Variants in RABGAP1 observed in about 807,000 individuals in gnomAD.
RABGAP1 encodes the protein rab GTPase-activating protein 1.
Under a neutral mutation model 137.6 loss-of-function variants are expected in RABGAP1, and 23 were observed. The ratio of observed to expected loss-of-function variants is 0.17; its 90% confidence interval spans 0.12 to 0.24. The LOEUF is 0.24. RABGAP1 is among the 10% of genes least tolerant of loss of function. RABGAP1 has a pLI of 1.00. For missense variants in RABGAP1, 906 were observed against 1,275.8 expected, an observed-to-expected ratio of 0.71 and a Z score of 4.42; for synonymous variants, 451 against 450.7, an observed-to-expected ratio of 1.00 and a Z score of -0.01.
At chr9:122,942,202 G>A (rs1833619080) in intron 1 of RABGAP1, among the ~76,000 whole-genome samples, 2 of 152,198 alleles carry the variant, frequency 1.3e-5, no homozygotes, top group Non-Finnish European at 1.5e-5. Context: ...AACGGAAGGT[G>A]AATGGAATTG....
intron 13 of RABGAP1, among the ~76,000 whole-genome samples, chr9:123,037,382 T>G (rs918187743): frequency 2.6e-5 from 4 of 152,234 alleles, no homozygotes; most frequent in Non-Finnish European, 5.9e-5. Flanking sequence ...CCTTGCTTGC[T>G]CTTTATGTTT....
At chr9:122,995,230 C>T (rs1159733344) in intron 6 of RABGAP1, among the ~76,000 whole-genome samples, 1 of 152,154 alleles carries the variant, frequency 6.6e-6, no homozygotes, top group African/African-American at 2.4e-5. Flanking sequence ...GTTAACAGTG[C>T]TTAAGGGAAG....
intron 1 of RABGAP1, among the ~76,000 whole-genome samples, chr9:122,953,945 C>G (rs1327061600): frequency 6.6e-6 from 1 of 152,176 alleles, no homozygotes; most frequent in Non-Finnish European, 1.5e-5. Context: ...ATAAAAAAGC[C>G]TGCCCTCATG....
chr9:123,027,127 T>G (rs2032020533), intron 13 of RABGAP1, among the ~76,000 whole-genome samples: 1 of 106,432 alleles, frequency 9.4e-6, no homozygotes, highest in Non-Finnish European at 2.2e-5. Context: ...TTTTTTTTTT[T>G]GAGACGGACT....
chr9:122,966,781 C>T (rs939406270), intron 2 of RABGAP1, among the ~76,000 whole-genome samples: 1 of 152,156 alleles, frequency 6.6e-6, no homozygotes, highest in Non-Finnish European at 1.5e-5. Flanking sequence ...GTTTAATGGA[C>T]TTACAGTTCC....
intron 2 of RABGAP1, among the ~76,000 whole-genome samples, chr9:122,970,330 A>T (rs1835403605): frequency 6.6e-6 from 1 of 152,166 alleles, no homozygotes; most frequent in African/African-American, 2.4e-5. Flanking sequence ...GCTGCTTAGG[A>T]GGCTGATGCA....
chr9:122,995,734 A>G (rs1293071392), intron 6 of RABGAP1, among the ~76,000 whole-genome samples: 1 of 151,870 alleles, frequency 6.6e-6, no homozygotes, highest in Admixed American at 6.6e-5. Flanking sequence ...ACACCCAGCT[A>G]ATTTTTGTAT....
intron 2 of RABGAP1, among the ~76,000 whole-genome samples, chr9:122,976,268 G>T (rs1835756427): frequency 1.3e-5 from 2 of 152,116 alleles, no homozygotes; most frequent in African/African-American, 4.8e-5. Context: ...TTAATGTAGA[G>T]TACATGGAAA....
chr9:123,091,633 T>TA (rs368937656), intron 21 of RABGAP1, among the ~76,000 whole-genome samples: 9 of 151,256 alleles, frequency 6.0e-5, no homozygotes, highest in East Asian at 1.9e-4. Flanking sequence ...AAAGCATCAT[T>TA]AAAAAAAAAT....
At chr9:123,067,009 T>C (rs1159733916) in intron 14 of RABGAP1, among the ~76,000 whole-genome samples, 1 of 152,238 alleles carries the variant, frequency 6.6e-6, no homozygotes, top group Non-Finnish European at 1.5e-5. Context: ...ATCATGATCC[T>C]AATTTTTTAA....
chr9:123,099,765 T>C (rs768872487), intron 24 of RABGAP1, among the ~76,000 whole-genome samples: 8 of 152,318 alleles, frequency 5.3e-5, no homozygotes, highest in Non-Finnish European at 4.4e-5. Context: ...TAGCTTTAGA[T>C]CTCAAAGTGC....
chr9:123,000,817 G>A (rs1237723696), intron 10 of RABGAP1, among the ~76,000 whole-genome samples: 1 of 150,362 alleles, frequency 6.7e-6, no homozygotes. Flanking sequence ...ACCTGGCCTA[G>A]CAGTAGCCTC....
intron 13 of RABGAP1, among the ~76,000 whole-genome samples, chr9:123,051,193 A>G (rs1247761890): frequency 1.0e-5 from 1 of 100,446 alleles, no homozygotes; most frequent in Non-Finnish European, 2.0e-5. Flanking sequence ...GAGGAGCCAC[A>G]TGTTGTGATT....
intron 13 of RABGAP1, among the ~76,000 whole-genome samples, chr9:123,049,964 C>T (rs891990885): frequency 3.3e-5 from 5 of 152,234 alleles, no homozygotes; most frequent in Non-Finnish European, 5.9e-5. Flanking sequence ...CCCAAGGTCA[C>T]ACAAATTAGT....
At chr9:122,950,377 C>CTTTTTTTTTTTTTTTTTT (rs200424486) in intron 1 of RABGAP1, among the ~76,000 whole-genome samples, 451 of 74,424 alleles carry the variant, frequency 6.1e-3, no homozygotes, top group South Asian at 9.5e-3. Context: ...CTTTTTCTTT[C>CTTTTTTTTTTTTTTTTTT]TTTTTTTTTT....
chr9:123,028,691 C>A (rs948648687), intron 13 of RABGAP1, among the ~76,000 whole-genome samples: 2 of 152,076 alleles, frequency 1.3e-5, no homozygotes, highest in African/African-American at 4.8e-5. Flanking sequence ...GCAACAGAAG[C>A]GAATGAAGCA....
In RABGAP1 at chr9:123,057,228, C is replaced by T. The variant is rs1290847664; in HGVS notation, c.1795-8120C>T. Among the ~76,000 whole-genome samples the T allele has an allele frequency of 4.6e-5, 7 of 151,182 alleles. No homozygotes were observed. In the East Asian group the frequency reaches 5.9e-4, roughly 13 times the overall value. ...CTCACTTCCCAGACGGGGTGGCTGC[C>T]GGGCGGAGGGGCTCCTCACTTCTCA... On this transcript the variant is annotated intron_variant, in intron 13 of 25. Transcript: ENST00000373647.
chr9:122,989,328 G>A lies in RABGAP1; in HGVS notation c.622G>A (p.Ala208Thr), dbSNP rs778881989. ...LLDPQTNTEIANYPIYKILFC... is the reference protein window; with the variant it reads ...LLDPQTNTEITNYPIYKILFC... ...AGATCCTCAGACAAACACTGAAATA[G>A]CAAACTACCCTATCTACAAAATCCT... The change falls in exon 5 of 26, where the codon GCA (alanine) becomes ACA (threonine). Residue 208 changes from alanine to threonine, a missense_variant. Ala to Thr is a moderately conservative substitution (Grantham distance 58). This residue lies in a region of RABGAP1 where 331 missense variants were observed against 358.3 expected (regional missense o/e 0.92). Transcript: ENST00000373647. The A allele has an allele frequency of 6.2e-7, 1 of 1,613,738 alleles. No homozygotes were observed. Among genetic ancestry groups the A allele is most frequent in the Non-Finnish European group, 8.5e-7 (1 of 1,179,796 alleles).
chr9:123,020,527 G>T, intron 13 of RABGAP1, 68 bp downstream of exon 13: 2 of 1,322,892 alleles, frequency 1.5e-6, no homozygotes, highest in Non-Finnish European at 2.0e-6. Context: ...GATCATTATA[G>T]TTATTTGACT....
Sources: gnomAD v4.1 joint callset for allele counts (sites outside exome capture counted in the v4.1 genomes callset) on GRCh38, gnomAD v4.1.1 for gene constraint, gnomAD v4.1.1 regional missense constraint, MANE v1.5 for transcripts, NCBI Gene and HGNC (gene_info 2026-07-23, HGNC 2026-07-21) for gene names.